The following AFF2 variants were observed in gnomAD, a reference collection of about 807,000 sequenced individuals.
The protein encoded by AFF2 is ALF transcription elongation factor 2.
AFF2 carries 14 observed loss-of-function variants against 76.9 expected under a neutral mutation model. The observed-to-expected ratio is 0.18, with a 90% CI of 0.12 to 0.28. The LOEUF (loss-of-function observed/expected upper bound fraction) is 0.28. AFF2 is among the 10% of genes least tolerant of loss of function. The pLI, the probability that AFF2 is intolerant of heterozygous loss-of-function variation, is 1.00. For synonymous variants in AFF2, 398 were observed against 366.7 expected (o/e 1.09, Z -0.98); for missense variants, 868 against 1,001.1 (o/e 0.87, Z 1.79).
intron 3 of AFF2, among the ~76,000 whole-genome samples, chrX:148,785,100 A>T (rs2069800160): frequency 1.8e-5 from 2 of 111,908 alleles, no homozygotes; most frequent in African/African-American, 6.5e-5. Flanking sequence ...CGGGCTCCTG[A>T]GCTTGTGTGA....
chrX:148,554,309 G>A (rs2053028016), intron 1 of AFF2, among the ~76,000 whole-genome samples: 1 of 112,203 alleles, frequency 8.9e-6, no homozygotes, highest in Admixed American at 9.5e-5. Context: ...GGTAGGCGTG[G>A]TCTGTATTCT....
At chrX:148,704,300 T>TTATATATATGTGTGTA (rs2054843206) in intron 3 of AFF2, among the ~76,000 whole-genome samples, 1 of 12,144 alleles carries the variant, frequency 8.2e-5, no homozygotes, top group African/African-American at 1.9e-4. Flanking sequence ...ATATATATAT[T>TTATATATATGTGTGTA]TATATATATG....
intron 13 of AFF2, among the ~76,000 whole-genome samples, chrX:148,964,169 C>G (rs1557288418): frequency 1.8e-5 from 2 of 112,112 alleles, no homozygotes; most frequent in Non-Finnish European, 3.8e-5. Context: ...GGTGGAGGGA[C>G]AGTATCGTAA....
At chrX:148,811,656 G>A (rs12393437) in intron 4 of AFF2, among the ~76,000 whole-genome samples, 2,254 of 112,030 alleles carry the variant, frequency 0.02, 61 homozygotes, top group African/African-American at 0.07. Flanking sequence ...AGGAATGCCA[G>A]GCATATCTCA....
At chrX:148,831,950 T>G (rs782556467) in intron 4 of AFF2, among the ~76,000 whole-genome samples, 5 of 112,211 alleles carry the variant, frequency 4.5e-5, no homozygotes, top group Admixed American at 2.8e-4. Context: ...TTTTTGTAAA[T>G]GCATAAGGAC....
chrX:148,762,455 ATATAT>A (rs2124588395), intron 3 of AFF2, among the ~76,000 whole-genome samples: 1 of 93,393 alleles, frequency 1.1e-5, no homozygotes, highest in South Asian at 5.2e-4. Context: ...AGTGATATAT[ATATAT>A]TATGTGTGTA....
At chrX:148,949,074 C>A (rs1190053079) in intron 9 of AFF2, among the ~76,000 whole-genome samples, 1 of 111,037 alleles carries the variant, frequency 9.0e-6, no homozygotes, top group Non-Finnish European at 1.9e-5. Context: ...CCAGGGCAGA[C>A]CTGCACATTG....
In AFF2 at chrX:148,991,536, A is replaced by AT. The variant is rs782135720; in HGVS notation, c.*212dup. The AT allele has an allele frequency of 9.7e-4, 350 of 362,057 alleles. 2 individuals are homozygous for AT. The highest frequency in any genetic ancestry group is 8.6e-3 in the African/African-American group (323 of 37,457). The allele number at this position is 362,057 out of a possible 1,213,427, so 29.8% of individuals were successfully genotyped here. A position where few individuals can be genotyped will look rare whatever the true frequency, so the allele number is the denominator to read the frequency against. On this transcript the variant is annotated 3_prime_UTR_variant, in exon 21 of 21. Coordinates refer to ENST00000370460, the MANE Select transcript of AFF2 (RefSeq NM_002025.4). ...GCAGTGTACGTTTTATTACTTAGTCATTTTTTTTCTTTTAGCATTTGATAT... is the reference window on the plus strand; with the variant it reads ...GCAGTGTACGTTTTATTACTTAGTCATTTTTTTTTCTTTTAGCATTTGATAT...
chrX:148,847,981 C>T (rs781943702), intron 7 of AFF2, among the ~76,000 whole-genome samples: 2 of 111,690 alleles, frequency 1.8e-5, no homozygotes, highest in African/African-American at 6.5e-5. Flanking sequence ...ATTTTGGCTA[C>T]AAACATACAG....
intron 7 of AFF2, among the ~76,000 whole-genome samples, chrX:148,881,405 C>T (rs1193063333): frequency 9.0e-6 from 1 of 111,344 alleles, no homozygotes; most frequent in Non-Finnish European, 1.9e-5. Flanking sequence ...TCTGGATCAG[C>T]AGGTAGCTTC....
At chrX:148,564,818 T>G (rs2124314249) in intron 1 of AFF2, among the ~76,000 whole-genome samples, 1 of 111,919 alleles carries the variant, frequency 8.9e-6, no homozygotes, top group Non-Finnish European at 1.9e-5. Flanking sequence ...CTCCTACAAC[T>G]ACATTGTATT....
In AFF2 at chrX:148,976,332, C is replaced by T. The variant is rs72611274; in HGVS notation, c.3405-1601C>T. Among the ~76,000 whole-genome samples the T allele has an allele frequency of 8.0e-5, 9 of 112,214 alleles. No homozygotes were observed. In the East Asian group the frequency reaches 2.2e-3, roughly 28 times the overall value. Reference sequence around the variant, plus strand: ...CCTGAACATTGACATTGAAACACTCCGAAGACTTCATTCAGATTTCACCAG... The same window carrying T: ...CCTGAACATTGACATTGAAACACTCTGAAGACTTCATTCAGATTTCACCAG... On this transcript the variant is annotated intron_variant, in intron 16 of 20. Coordinates refer to ENST00000370460, the MANE Select transcript of AFF2 (RefSeq NM_002025.4).
chrX:148,900,837 A>G (rs907453048), intron 8 of AFF2, among the ~76,000 whole-genome samples: 8 of 112,126 alleles, frequency 7.1e-5, no homozygotes, highest in African/African-American at 2.6e-4. Flanking sequence ...CATTCTATTC[A>G]CTCCAGAACC....
rs2072592335 is a variant in AFF2 at position 148,995,855 on chromosome X, C to T, written c.*4523C>T. On this transcript the variant is annotated 3_prime_UTR_variant, in exon 21 of 21. Coordinates refer to ENST00000370460, the MANE Select transcript of AFF2 (RefSeq NM_002025.4). ...GATGCTGCAGTAGCAAGCTCAAGCT[C>T]GCCTGCCTGCCAGCAGTTGCTGGTG... 1 of 112,705 alleles carries T rather than the reference C, an allele frequency of 8.9e-6. No individual in the cohort carries two copies. Among genetic ancestry groups the T allele is most frequent in the Middle Eastern group, 4.6e-3 (1 of 217 alleles). 9.3% of individuals were successfully genotyped at this position (112,705 alleles called of 1,213,427 possible).
chrX:148,590,355 C>CG (rs1406776613), intron 1 of AFF2, among the ~76,000 whole-genome samples: 13 of 111,282 alleles, frequency 1.2e-4, no homozygotes, highest in Non-Finnish European at 2.3e-4. Flanking sequence ...CATTCTGTTT[C>CG]ATGCATTTTC....
chrX:148,761,467 G>GTT (rs77197026), intron 3 of AFF2, among the ~76,000 whole-genome samples: 47 of 63,588 alleles, frequency 7.4e-4, no homozygotes, highest in Non-Finnish European at 9.6e-4. Flanking sequence ...AGTTTTTTTT[G>GTT]TTTTTTTTTT....
At chrX:148,629,871 A>C (rs1440837572) in intron 1 of AFF2, among the ~76,000 whole-genome samples, 1 of 111,635 alleles carries the variant, frequency 9.0e-6, no homozygotes, top group African/African-American at 3.3e-5. Context: ...ACTCACCATC[A>C]TACACCTTCT....
At chrX:148,772,301 C>A (rs973070474) in intron 3 of AFF2, among the ~76,000 whole-genome samples, 1 of 111,924 alleles carries the variant, frequency 8.9e-6, no homozygotes, top group African/African-American at 3.2e-5. Flanking sequence ...TCTCAGATGG[C>A]TGACAACTTT....
intron 8 of AFF2, among the ~76,000 whole-genome samples, chrX:148,897,546 G>A (rs1557280484): frequency 9.4e-6 from 1 of 106,917 alleles, no homozygotes; most frequent in Non-Finnish European, 1.9e-5. Flanking sequence ...CAAAGGGATA[G>A]GAAGCCTTAT....
Sources: gnomAD v4.1 joint callset for allele counts (sites outside exome capture counted in the v4.1 genomes callset) on GRCh38, gnomAD v4.1.1 for gene constraint, MANE v1.5 for transcripts, NCBI Gene and HGNC (gene_info 2026-07-23, HGNC 2026-07-21) for gene names.